Variants in BCL2 observed in about 807,000 individuals in gnomAD.
BCL2 encodes the protein apoptosis regulator Bcl-2.
In BCL2, 1 loss-of-function variant was observed where a neutral mutation model predicts 14.2. The ratio of observed to expected loss-of-function variants is 0.07; its 90% confidence interval spans 0.02 to 0.33. BCL2 has a LOEUF of 0.33. Ranked by LOEUF, BCL2 falls within the 10% of genes least tolerant of loss-of-function variation. BCL2 has a pLI of 0.99. For synonymous variants in BCL2, 151 were observed against 137.2 expected (o/e 1.10, Z -0.70); for missense variants, 247 against 305.9 (o/e 0.81, Z 1.44).
chr18:63,266,635 T>A (rs150776679), intron 2 of BCL2, among the ~76,000 whole-genome samples: 356 of 136,526 alleles, frequency 2.6e-3, no homozygotes, highest in African/African-American at 8.8e-3. Context: ...TCTCTCTCTC[T>A]CTCACACACA....
intron 2 of BCL2, among the ~76,000 whole-genome samples, chr18:63,291,458 C>T (rs569251626): frequency 6.6e-6 from 1 of 152,306 alleles, no homozygotes; most frequent in South Asian, 2.1e-4. Context: ...TTCAGATATG[C>T]CTGATGCCCT....
intron 2 of BCL2, among the ~76,000 whole-genome samples, chr18:63,285,007 G>C (rs1912431078): frequency 6.6e-6 from 1 of 152,174 alleles, no homozygotes; most frequent in African/African-American, 2.4e-5. Flanking sequence ...CTTGCTGCAG[G>C]CAAAAGGCTG....
intron 2 of BCL2, among the ~76,000 whole-genome samples, chr18:63,236,866 T>A (rs1409987899): frequency 6.6e-6 from 1 of 152,194 alleles, no homozygotes; most frequent in African/African-American, 2.4e-5. Flanking sequence ...TGCTCTGGGC[T>A]CTTCTTGTTT....
At chr18:63,295,774 G>T (rs912272618) in intron 2 of BCL2, among the ~76,000 whole-genome samples, 1 of 152,114 alleles carries the variant, frequency 6.6e-6, no homozygotes, top group African/African-American at 2.4e-5. Context: ...CCCCAATGCT[G>T]GGTGACTACC....
intron 2 of BCL2, among the ~76,000 whole-genome samples, chr18:63,247,205 T>C (rs1266920913): frequency 6.6e-6 from 1 of 152,046 alleles, no homozygotes; most frequent in Non-Finnish European, 1.5e-5. Flanking sequence ...ACAGGATTTT[T>C]TTTTTTTTTT....
intron 2 of BCL2, among the ~76,000 whole-genome samples, chr18:63,196,165 T>C (rs1049616397): frequency 3.9e-5 from 6 of 152,184 alleles, no homozygotes; most frequent in Non-Finnish European, 7.3e-5. Context: ...CTGTAACCTC[T>C]ACCAGACCTG....
At chr18:63,290,471 G>C (rs1192633127) in intron 2 of BCL2, among the ~76,000 whole-genome samples, 3 of 152,112 alleles carry the variant, frequency 2.0e-5, no homozygotes, top group Non-Finnish European at 4.4e-5. Flanking sequence ...ATGAGGCGAG[G>C]TTTGTTCCCT....
In BCL2 at chr18:63,126,183, G is replaced by C. The variant is rs773083543; in HGVS notation, c.*2442C>G. 2.8e-5 allele frequency: 6 copies of C among 215,402 alleles called. No homozygotes were observed. Among genetic ancestry groups the C allele is most frequent in the Non-Finnish European group, 4.7e-5 (5 of 106,520 alleles). The allele number at this position is 215,402 out of a possible 1,614,324, so 13.3% of individuals were successfully genotyped here. A position where few individuals can be genotyped will look rare whatever the true frequency, so the allele number is the denominator to read the frequency against. On this transcript the variant is annotated 3_prime_UTR_variant, in exon 3 of 3. Transcript: ENST00000333681. ...TGCTTAAAAATTAGAATCATTCAAA[G>C]GTCTGATCATTCTGTTCCCTGAGGC...
chr18:63,305,864 G>A (rs1913113292), intron 2 of BCL2, among the ~76,000 whole-genome samples: 1 of 152,108 alleles, frequency 6.6e-6, no homozygotes, highest in South Asian at 2.1e-4. Flanking sequence ...TTGAAGCCAG[G>A]AGTTTGTGAC....
At chr18:63,276,245 T>C (rs1023386981) in intron 2 of BCL2, among the ~76,000 whole-genome samples, 13 of 152,252 alleles carry the variant, frequency 8.5e-5, no homozygotes, top group African/African-American at 3.1e-4. Flanking sequence ...ATTATTTTTA[T>C]GAATGGCAGA....
intron 2 of BCL2, among the ~76,000 whole-genome samples, chr18:63,256,816 A>G (rs1412918686): frequency 6.6e-6 from 1 of 152,152 alleles, no homozygotes; most frequent in Non-Finnish European, 1.5e-5. Context: ...AATCAACCTA[A>G]CCATCTACAG....
At chr18:63,228,127 C>A (rs1025890295) in intron 2 of BCL2, among the ~76,000 whole-genome samples, 1 of 152,224 alleles carries the variant, frequency 6.6e-6, no homozygotes, top group Non-Finnish European at 1.5e-5. Context: ...TAAAAGATCA[C>A]TAATGCCATT....
At chr18:63,245,577 C>T (rs1352526346) in intron 2 of BCL2, among the ~76,000 whole-genome samples, 4 of 152,150 alleles carry the variant, frequency 2.6e-5, no homozygotes, top group African/African-American at 7.2e-5. Flanking sequence ...GTGGTGGTTA[C>T]AGGAATCTAG....
At chr18:63,218,974 C>T (rs1910306111) in intron 2 of BCL2, among the ~76,000 whole-genome samples, 1 of 152,312 alleles carries the variant, frequency 6.6e-6, no homozygotes, top group South Asian at 2.1e-4. Flanking sequence ...TAACTGGTCT[C>T]CCTGCAACCA....
intron 2 of BCL2, among the ~76,000 whole-genome samples, chr18:63,237,506 C>T (rs1008663863): frequency 2.0e-5 from 3 of 152,192 alleles, no homozygotes; most frequent in African/African-American, 7.2e-5. Context: ...GACCCTCCTC[C>T]CAAGGCATAT....
intron 2 of BCL2, among the ~76,000 whole-genome samples, chr18:63,207,393 A>T (rs1201873491): frequency 6.6e-6 from 1 of 152,268 alleles, no homozygotes; most frequent in Non-Finnish European, 1.5e-5. Context: ...TCGTCAGAAG[A>T]GTGAGAGGGA....
intron 2 of BCL2, among the ~76,000 whole-genome samples, chr18:63,183,095 C>T (rs1026318603): frequency 1.4e-4 from 21 of 152,146 alleles, no homozygotes; most frequent in African/African-American, 5.1e-4. Flanking sequence ...CAGACCCACC[C>T]CTTGCTATGG....
chr18:63,179,125 C>T (rs910355481), intron 2 of BCL2, among the ~76,000 whole-genome samples: 2 of 152,262 alleles, frequency 1.3e-5, no homozygotes, highest in South Asian at 2.1e-4. Flanking sequence ...GCATGAGTGC[C>T]CAATGGCTGT....
At chr18:63,258,001 C>T (rs1911533623) in intron 2 of BCL2, among the ~76,000 whole-genome samples, 1 of 152,210 alleles carries the variant, frequency 6.6e-6, no homozygotes, top group Non-Finnish European at 1.5e-5. Context: ...AATTTGGAAA[C>T]ACGGTCTTTG....
Sources: gnomAD v4.1 joint callset for allele counts (sites outside exome capture counted in the v4.1 genomes callset) on GRCh38, gnomAD v4.1.1 for gene constraint, MANE v1.5 for transcripts, NCBI Gene and HGNC (gene_info 2026-07-23, HGNC 2026-07-21) for gene names.